The following SENP7 variants were observed in gnomAD, a reference collection of about 807,000 sequenced individuals.
SENP7 encodes the protein sentrin-specific protease 7.
Under a neutral mutation model 141.2 loss-of-function variants are expected in SENP7, and 64 were observed. That is an observed-to-expected ratio of 0.45 (90% CI 0.37 to 0.56). The LOEUF is 0.56. Ranked by LOEUF, SENP7 falls within the 20% of genes least tolerant of loss-of-function variation. SENP7 has a pLI of 0.00. For missense variants in SENP7, 1,025 were observed against 1,212.2 expected (o/e 0.85, Z 2.29); for synonymous variants, 382 against 426.4 (o/e 0.90, Z 1.28).
intron 3 of SENP7, among the ~76,000 whole-genome samples, chr3:101,483,399 TG>T: frequency 1.3e-5 from 2 of 152,212 alleles, no homozygotes; most frequent in South Asian, 4.1e-4. Context: ...GAGCATCCAG[TG>T]TGGGAGCTAA....
At chr3:101,335,043 T>C (rs909938165) in intron 17 of SENP7, among the ~76,000 whole-genome samples, 10 of 152,190 alleles carry the variant, frequency 6.6e-5, no homozygotes, top group African/African-American at 2.4e-4. Context: ...CCTAACTTCA[T>C]GTAGCTTCAA....
intron 9 of SENP7, among the ~76,000 whole-genome samples, chr3:101,365,703 T>C (rs2060021495): frequency 6.6e-6 from 1 of 151,574 alleles, no homozygotes; most frequent in African/African-American, 2.4e-5. Flanking sequence ...CCTGTTAAAC[T>C]GAATCATCTA....
At chr3:101,458,189 A>C (rs1430673606) in intron 4 of SENP7, among the ~76,000 whole-genome samples, 5 of 152,212 alleles carry the variant, frequency 3.3e-5, no homozygotes, top group African/African-American at 1.2e-4. Flanking sequence ...ATATATGTTT[A>C]TATTTCCTAC....
intron 2 of SENP7, among the ~76,000 whole-genome samples, chr3:101,497,391 T>C (rs2065200289): frequency 6.6e-6 from 1 of 152,100 alleles, no homozygotes; most frequent in Non-Finnish European, 1.5e-5. Context: ...TTTCTAAATA[T>C]CATCCTTCAA....
chr3:101,433,616 A>C (rs1052799736), intron 4 of SENP7, among the ~76,000 whole-genome samples: 3 of 152,196 alleles, frequency 2.0e-5, no homozygotes, highest in African/African-American at 7.2e-5. Context: ...AACAGGAGTC[A>C]CTATACTTCT....
At chr3:101,480,636 A>G (rs2064429652) in intron 3 of SENP7, among the ~76,000 whole-genome samples, 1 of 152,152 alleles carries the variant, frequency 6.6e-6, no homozygotes, top group Non-Finnish European at 1.5e-5. Flanking sequence ...AAAGCAAAGC[A>G]ACAAAAATAG....
intron 4 of SENP7, among the ~76,000 whole-genome samples, chr3:101,436,045 A>G (rs1274501849): frequency 6.6e-6 from 1 of 152,196 alleles, no homozygotes; most frequent in East Asian, 1.9e-4. Context: ...TATACTAACC[A>G]AAACAGCATG....
intron 6 of SENP7, among the ~76,000 whole-genome samples, chr3:101,385,899 A>G (rs2060639272): frequency 1.3e-5 from 2 of 152,248 alleles, no homozygotes; most frequent in Non-Finnish European, 2.9e-5. Context: ...AGGACCAGAA[A>G]AATCAGGATA....
At chr3:101,500,754 A>G (rs1211041127) in intron 2 of SENP7, among the ~76,000 whole-genome samples, 2 of 152,220 alleles carry the variant, frequency 1.3e-5, no homozygotes, top group African/African-American at 2.4e-5. Context: ...AGCATTACTA[A>G]TGAATGCACA....
At chr3:101,421,590 TAAC>T (rs1428312334) in intron 4 of SENP7, among the ~76,000 whole-genome samples, 1 of 152,150 alleles carries the variant, frequency 6.6e-6, no homozygotes, top group African/African-American at 2.4e-5. Flanking sequence ...TATTGGAAAA[TAAC>T]AAATCATTGG....
intron 6 of SENP7, among the ~76,000 whole-genome samples, chr3:101,390,649 T>G (rs1296520020): frequency 2.0e-5 from 3 of 152,028 alleles, no homozygotes; most frequent in Non-Finnish European, 4.4e-5. Flanking sequence ...AATACAAAAA[T>G]AATGGGGGAT....
chr3:101,360,221 G>A (rs967466942), intron 11 of SENP7, among the ~76,000 whole-genome samples: 1 of 152,106 alleles, frequency 6.6e-6, no homozygotes, highest in Non-Finnish European at 1.5e-5. Flanking sequence ...TCGAAGCAAT[G>A]GTGACTGTAT....
chr3:101,429,534 G>T (rs2062083131), intron 4 of SENP7, among the ~76,000 whole-genome samples: 1 of 152,162 alleles, frequency 6.6e-6, no homozygotes, highest in Admixed American at 6.5e-5. Context: ...TTTGCACATT[G>T]ATTTTGTATC....
chr3:101,510,259 C>T (rs1302613865), intron 1 of SENP7, among the ~76,000 whole-genome samples: 18 of 152,236 alleles, frequency 1.2e-4, no homozygotes, highest in Non-Finnish European at 4.4e-5. Context: ...TAATATACTG[C>T]TTTAAATGGT....
chr3:101,459,834 A>G (rs1276212721), intron 3 of SENP7, among the ~76,000 whole-genome samples: 1 of 152,230 alleles, frequency 6.6e-6, no homozygotes, highest in African/African-American at 2.4e-5. Context: ...CTAATTCAGA[A>G]AACTTGCAGG....
At chr3:101,473,000 C>T (rs1190914648) in intron 3 of SENP7, among the ~76,000 whole-genome samples, 1 of 152,170 alleles carries the variant, frequency 6.6e-6, no homozygotes, top group East Asian at 1.9e-4. Context: ...TAAGTGAGAA[C>T]ATGCAGTGTT....
intron 4 of SENP7, among the ~76,000 whole-genome samples, chr3:101,454,511 A>T (rs2063281189): frequency 6.6e-6 from 1 of 152,162 alleles, no homozygotes. Flanking sequence ...ACTCCATCTC[A>T]AAAGAAAAAA....
At chr3:101,337,720 T>C in intron 16 of SENP7, 89 bp from the exon 17 acceptor site, 5 of 1,129,792 alleles carry the variant, frequency 4.4e-6, no homozygotes, top group Non-Finnish European at 6.0e-6. Flanking sequence ...GAAATCTTTA[T>C]TTTTTATCTA....
At chr3:101,399,096 T>G (rs1471977276) in intron 5 of SENP7, 41 bp from the exon 6 acceptor site, 11 of 1,284,056 alleles carry the variant, frequency 8.6e-6, no homozygotes, top group South Asian at 4.3e-5. Context: ...TACTGAAGTT[T>G]TCAGTTAAAA....
Sources: gnomAD v4.1 joint callset for allele counts (sites outside exome capture counted in the v4.1 genomes callset) on GRCh38, gnomAD v4.1.1 for gene constraint, MANE v1.5 for transcripts, NCBI Gene and HGNC (gene_info 2026-07-23, HGNC 2026-07-21) for gene names.